KDM3B: variants seen among roughly 807,000 people sequenced by gnomAD.
KDM3B encodes lysine-specific demethylase 3B.
KDM3B carries 10 observed loss-of-function variants against 170.0 expected under a neutral mutation model. The ratio of observed to expected loss-of-function variants is 0.06; its 90% CI spans 0.04 to 0.10. KDM3B has a LOEUF of 0.10. KDM3B is among the 10% of genes least tolerant of loss of function. The pLI, the probability that KDM3B is intolerant of heterozygous loss-of-function variation, is 1.00. For missense variants in KDM3B, 1,394 were observed against 2,195.2 expected, an observed-to-expected ratio of 0.64 and a Z score of 7.29; for synonymous variants, 831 against 834.8, an observed-to-expected ratio of 1.00 and a Z score of 0.08.
chr5:138,366,829 T>C (rs760780448), intron 1 of KDM3B, among the ~76,000 whole-genome samples: 7 of 152,166 alleles, frequency 4.6e-5, no homozygotes, highest in Non-Finnish European at 8.8e-5. Context: ...CCTAAAGATA[T>C]TCAAATGCAT....
intron 2 of KDM3B, 52 bp downstream of exon 2, chr5:138,372,893 T>C: frequency 6.7e-7 from 1 of 1,498,566 alleles, no homozygotes; most frequent in Non-Finnish European, 9.1e-7. Context: ...TCCTATAATA[T>C]AACTATGACA....
intron 12 of KDM3B, among the ~76,000 whole-genome samples, chr5:138,416,588 C>CAAAAAAAAAA (rs545925296): frequency 1.2e-5 from 1 of 84,226 alleles, no homozygotes; most frequent in East Asian, 3.6e-4. Context: ...GACTCTGTCT[C>CAAAAAAAAAA]AAAAAAAAAA....
In KDM3B at chr5:138,365,889, C is replaced by T. The variant is rs377279742; in HGVS notation, c.193-6785C>T. Among the ~76,000 whole-genome samples the T allele has an allele frequency of 2.3e-4, 35 of 152,120 alleles. No homozygotes were observed. The East Asian group carries it at 6.0e-3, about 26-fold the overall frequency. ...TGGTGCTTGCCTATAATCCCAGCTACTCGAGAGGCTGCGGCACAGAATCGT... is the reference window on the plus strand; with the variant it reads ...TGGTGCTTGCCTATAATCCCAGCTATTCGAGAGGCTGCGGCACAGAATCGT... On this transcript the variant is annotated intron_variant, in intron 1 of 23. Transcript: ENST00000314358.
At chr5:138,396,032 T>G (rs1055126735) in intron 9 of KDM3B, among the ~76,000 whole-genome samples, 14 of 152,170 alleles carry the variant, frequency 9.2e-5, no homozygotes, top group African/African-American at 3.4e-4. Flanking sequence ...TTTTGCTAGA[T>G]TGGTAGGGGA....
chr5:138,369,450 C>G (rs1241198067), intron 1 of KDM3B, among the ~76,000 whole-genome samples: 1 of 152,056 alleles, frequency 6.6e-6, no homozygotes, highest in Non-Finnish European at 1.5e-5. Flanking sequence ...CATGTAAGAA[C>G]ACTCCCTACT....
In KDM3B at chr5:138,379,629, A is replaced by C. The variant is rs1762078776; in HGVS notation, c.626A>C (p.Glu209Ala). The change falls in exon 5 of 24, where the codon GAG becomes GCG. Residue 209 changes from glutamate to alanine, a missense_variant. Coordinates refer to ENST00000314358, the MANE Select transcript of KDM3B (RefSeq NM_016604.4). ...QGHRVKIYQP[E>A]GEEGWLYGVV... ...CACAGGGTCAAAATATATCAGCCAG[A>C]GGGGGAAGAAGGGTGGCTCTATGGT... 6.2e-7 allele frequency: 1 copy of C among 1,613,446 alleles called. No homozygotes were observed. Among genetic ancestry groups the C allele is most frequent in the South Asian group, 1.1e-5 (1 of 90,994 alleles).
chr5:138,408,740 A>G (rs772322794), intron 11 of KDM3B, among the ~76,000 whole-genome samples: 15 of 152,224 alleles, frequency 9.9e-5, no homozygotes, highest in African/African-American at 3.6e-4. Flanking sequence ...AATGGGGTTC[A>G]CTTGAAAATC....
chr5:138,396,583 G>A (rs901327138), intron 9 of KDM3B, among the ~76,000 whole-genome samples: 14 of 152,258 alleles, frequency 9.2e-5, no homozygotes, highest in African/African-American at 3.1e-4. Flanking sequence ...TTGGGTTGGG[G>A]AAAAGTGATA....
Position 138,435,611 on chromosome 5 carries a change from C to T in KDM3B, c.5206-9C>T. ...GCTGTGAACTGACTTTGCTGTACAC[C>T]TTCTCTAGGTGAAGAACATCATTTA... On this transcript the variant is annotated splice_polypyrimidine_tract_variant and intron_variant, in intron 23 of 23. Transcript: ENST00000314358. 8 of 1,612,130 alleles carry T rather than the reference C, an allele frequency of 5.0e-6. No homozygotes were observed. Among genetic ancestry groups the T allele is most frequent in the Non-Finnish European group, 6.8e-6 (8 of 1,178,530 alleles).
intron 1 of KDM3B, among the ~76,000 whole-genome samples, chr5:138,361,110 A>T (rs975194659): frequency 3.9e-5 from 6 of 152,206 alleles, no homozygotes; most frequent in African/African-American, 1.4e-4. Flanking sequence ...GGTTCTATAT[A>T]GGCTTTGCTT....
rs746539948 is a variant in KDM3B at position 138,430,534 on chromosome 5, C to A, written c.5070+109C>A. 292 of 948,998 alleles carry A rather than the reference C, an allele frequency of 3.1e-4. 1 individual carries two copies. The highest frequency in any genetic ancestry group is 6.3e-4 in the Middle Eastern group (2 of 3,156). The allele number at this position is 948,998 out of a possible 1,614,324, so 58.8% of individuals were successfully genotyped here. ...AAGTAGCTGGATTGGACTGATCTCTCTTATGCTGCAACTTATTTTATGCTT... is the reference window on the plus strand; with the variant it reads ...AAGTAGCTGGATTGGACTGATCTCTATTATGCTGCAACTTATTTTATGCTT... On this transcript the variant is annotated intron_variant, in intron 22 of 23. Transcript: ENST00000314358.
At chr5:138,401,379 T>C (rs542465880) in intron 11 of KDM3B, among the ~76,000 whole-genome samples, 1 of 152,364 alleles carries the variant, frequency 6.6e-6, no homozygotes, top group Non-Finnish European at 1.5e-5. Flanking sequence ...CACTTTGTTA[T>C]GCCTTCTGTG....
intron 1 of KDM3B, among the ~76,000 whole-genome samples, chr5:138,369,398 C>T (rs1380615147): frequency 6.6e-6 from 1 of 152,160 alleles, no homozygotes; most frequent in Non-Finnish European, 1.5e-5. Context: ...CTCATAAGCA[C>T]AAGTCACTTC....
intron 23 of KDM3B, among the ~76,000 whole-genome samples, chr5:138,433,958 T>C (rs1763605416): frequency 6.6e-6 from 1 of 152,074 alleles, no homozygotes; most frequent in Non-Finnish European, 1.5e-5. Flanking sequence ...CAGGCTGGTC[T>C]TGAACTCCCG....
At chr5:138,362,607 G>A (rs1314678501) in intron 1 of KDM3B, among the ~76,000 whole-genome samples, 1 of 150,872 alleles carries the variant, frequency 6.6e-6, no homozygotes, top group Non-Finnish European at 1.5e-5. Context: ...AGTGAATAGT[G>A]TACGTGGTTT....
chr5:138,381,426 C>A, intron 5 of KDM3B, 90 bp from the exon 6 acceptor site: 1 of 827,768 alleles, frequency 1.2e-6, no homozygotes, highest in Non-Finnish European at 2.0e-6. Context: ...TGAGTTGAAT[C>A]AATAAAGAGA....
chr5:138,369,609 T>C lies in KDM3B; in HGVS notation c.193-3065T>C, dbSNP rs1452215032. ...TCTACTCCTAGCGTTTTTAGCCTCA[T>C]TGGCTACTGCTTCCTTCCGACAGTG... is the stretch of plus-strand genomic sequence containing the variant. On this transcript the variant is annotated intron_variant, in intron 1 of 23. Coordinates refer to ENST00000314358, the MANE Select transcript of KDM3B (RefSeq NM_016604.4). Among the ~76,000 whole-genome samples, 3 of 152,220 alleles carry C rather than the reference T, an allele frequency of 2.0e-5. No homozygotes were observed. In the East Asian group the frequency reaches 5.8e-4, roughly 29 times the overall value.
chr5:138,413,799 A>G (rs1456565171), intron 11 of KDM3B, among the ~76,000 whole-genome samples: 1 of 151,914 alleles, frequency 6.6e-6, no homozygotes, highest in African/African-American at 2.4e-5. Context: ...ATGCTTGGCT[A>G]ATTTTTAATT....
chr5:138,432,189 G>A (rs1763552081), intron 23 of KDM3B, among the ~76,000 whole-genome samples: 1 of 152,168 alleles, frequency 6.6e-6, no homozygotes, highest in Admixed American at 6.5e-5. Flanking sequence ...TGTGTTCTAA[G>A]CATGTTTCTG....
Sources: allele counts gnomAD v4.1 joint callset (sites outside exome capture counted in the v4.1 genomes callset), GRCh38; gene constraint gnomAD v4.1.1; transcripts MANE v1.5; gene names NCBI Gene and HGNC (gene_info 2026-07-23, HGNC 2026-07-21).